Variants in CRADD observed in about 807,000 individuals in gnomAD.
CRADD encodes death domain-containing protein CRADD.
CRADD carries 9 observed loss-of-function variants against 15.5 expected under a neutral mutation model. That is an observed-to-expected ratio of 0.58 (90% CI 0.35 to 1.01). CRADD has a LOEUF of 1.01. Ranked by LOEUF, CRADD falls within the 50% of genes least tolerant of loss-of-function variation. The pLI, the probability that CRADD is intolerant of heterozygous loss-of-function variation, is 0.02. For synonymous variants in CRADD, 118 were observed against 107.6 expected, an observed-to-expected ratio of 1.10 and a Z score of -0.60; for missense variants, 227 against 250.3, an observed-to-expected ratio of 0.91 and a Z score of 0.63.
chr12:93,721,275 G>C (rs1956257306), intron 2 of CRADD, among the ~76,000 whole-genome samples: 1 of 151,864 alleles, frequency 6.6e-6, no homozygotes, highest in African/African-American at 2.4e-5. Flanking sequence ...CTAGAAGTTT[G>C]CTGTATATAT....
At chr12:93,704,361 T>C (rs770170304) in intron 2 of CRADD, among the ~76,000 whole-genome samples, 5 of 152,204 alleles carry the variant, frequency 3.3e-5, no homozygotes, top group Non-Finnish European at 7.3e-5. Flanking sequence ...TGATTTCCAC[T>C]TTCCCTTCTC....
At chr12:93,841,577 G>GT (rs1174826226) in intron 2 of CRADD, among the ~76,000 whole-genome samples, 2 of 152,172 alleles carry the variant, frequency 1.3e-5, no homozygotes, top group African/African-American at 2.4e-5. Context: ...TCAAGTTTCT[G>GT]TTTTTTCCTG....
chr12:93,802,237 T>C (rs534970633), intron 2 of CRADD, among the ~76,000 whole-genome samples: 12 of 152,238 alleles, frequency 7.9e-5, no homozygotes, highest in Non-Finnish European at 1.8e-4. Flanking sequence ...GAATGGTACT[T>C]CTACTTTTAG....
chr12:93,715,308 A>G (rs1045391522), intron 2 of CRADD, among the ~76,000 whole-genome samples: 1 of 152,202 alleles, frequency 6.6e-6, no homozygotes, highest in African/African-American at 2.4e-5. Flanking sequence ...ATTATCTGCA[A>G]ATGATATGTC....
intron 2 of CRADD, among the ~76,000 whole-genome samples, chr12:93,830,721 C>T (rs1257586237): frequency 1.3e-5 from 2 of 152,186 alleles, no homozygotes; most frequent in African/African-American, 4.8e-5. Flanking sequence ...CACTCTATTA[C>T]TGACTGAGCT....
At chr12:93,808,064 G>T (rs1043011196) in intron 2 of CRADD, among the ~76,000 whole-genome samples, 1 of 151,720 alleles carries the variant, frequency 6.6e-6, no homozygotes, top group African/African-American at 2.4e-5. Flanking sequence ...ATTAGGGTGG[G>T]TGGGGAGGCC....
intron 2 of CRADD, among the ~76,000 whole-genome samples, chr12:93,751,659 G>T (rs1305919583): frequency 6.6e-6 from 1 of 152,208 alleles, no homozygotes; most frequent in Non-Finnish European, 1.5e-5. Context: ...GAGGTCAGAA[G>T]TTCGAAACCT....
chr12:93,752,194 T>C (rs1339664907), intron 2 of CRADD, among the ~76,000 whole-genome samples: 2 of 152,212 alleles, frequency 1.3e-5, no homozygotes, highest in South Asian at 2.1e-4. Context: ...AGCATGGCTT[T>C]TGCTGACGGT....
chr12:93,801,532 G>A (rs1315920379), intron 2 of CRADD, among the ~76,000 whole-genome samples: 2 of 152,000 alleles, frequency 1.3e-5, no homozygotes, highest in African/African-American at 4.8e-5. Context: ...CTGAGTAGCT[G>A]GGATTACAAG....
intron 2 of CRADD, among the ~76,000 whole-genome samples, chr12:93,752,898 G>A (rs1459662368): frequency 1.3e-5 from 2 of 152,186 alleles, no homozygotes; most frequent in Admixed American, 1.3e-4. Context: ...AAGGTGAAAG[G>A]CACATCTCAC....
Position 93,892,018 on chromosome 12 carries a change from A to G in CRADD, c.299-2032A>G, listed in dbSNP as rs184288440. On this transcript the variant is annotated intron_variant, in intron 2 of 2. Transcript: ENST00000548483. ...ATGAACAAGATCTCATTTGGTCCCA[A>G]CAAACCCTGTGAGATAGACAGGTGA... 1.9e-3 allele frequency among the ~76,000 whole-genome samples: 291 copies of G among 152,350 alleles called. 1 individual carries two copies. Among genetic ancestry groups the G allele is most frequent in the African/African-American group, 6.6e-3 (276 of 41,584 alleles).
intron 2 of CRADD, among the ~76,000 whole-genome samples, chr12:93,723,246 AT>A (rs1304893271): frequency 6.6e-6 from 1 of 152,238 alleles, no homozygotes; most frequent in Non-Finnish European, 1.5e-5. Flanking sequence ...TAGCCACAAG[AT>A]TAGAAATTCT....
At chr12:93,807,359 G>A (rs960455271) in intron 2 of CRADD, among the ~76,000 whole-genome samples, 2 of 152,072 alleles carry the variant, frequency 1.3e-5, no homozygotes, top group African/African-American at 4.8e-5. Flanking sequence ...TCAGGTGTGT[G>A]GAGGGTGCAC....
At chr12:93,812,533 A>T (rs943025024) in intron 2 of CRADD, among the ~76,000 whole-genome samples, 1 of 152,084 alleles carries the variant, frequency 6.6e-6, no homozygotes, top group Non-Finnish European at 1.5e-5. Context: ...AAAAAAAAAA[A>T]AAAATTGTAT....
chr12:93,734,173 GTCCATCCATCCA>G, intron 2 of CRADD, among the ~76,000 whole-genome samples: 1 of 150,822 alleles, frequency 6.6e-6, no homozygotes, highest in East Asian at 2.0e-4. Context: ...CCATCCATCC[GTCCATCCATCCA>G]TCCATCCGTC....
At chr12:93,783,228 G>GTAT (rs57260302) in intron 2 of CRADD, among the ~76,000 whole-genome samples, 13,765 of 139,190 alleles carry the variant, frequency 0.099, 697 homozygotes, top group South Asian at 0.18. Flanking sequence ...ACAGGTATAG[G>GTAT]TATTATTATT....
chr12:93,799,507 A>G (rs990711482), intron 2 of CRADD, among the ~76,000 whole-genome samples: 1 of 152,346 alleles, frequency 6.6e-6, no homozygotes, highest in Middle Eastern at 3.4e-3. Context: ...ACAACCTTCA[A>G]TAAAAAGATC....
At chr12:93,781,642 C>T (rs1184770153) in intron 2 of CRADD, among the ~76,000 whole-genome samples, 1 of 152,196 alleles carries the variant, frequency 6.6e-6, no homozygotes, top group African/African-American at 2.4e-5. Flanking sequence ...AAAGAAACAG[C>T]ACCACCTGTG....
At chr12:93,677,781 G>C (rs946158004) in intron 1 of CRADD, 1 of 152,330 alleles carries the variant, frequency 6.6e-6, no homozygotes, top group African/African-American at 2.4e-5. Context: ...ACGGCCAAAC[G>C]TGAACACCTC....
Sources: gnomAD v4.1 joint callset for allele counts (sites outside exome capture counted in the v4.1 genomes callset) on GRCh38, gnomAD v4.1.1 for gene constraint, MANE v1.5 for transcripts, NCBI Gene and HGNC (gene_info 2026-07-23, HGNC 2026-07-21) for gene names.